Variants in PTPN20 observed in about 807,000 individuals in gnomAD.
The protein encoded by PTPN20 is tyrosine-protein phosphatase non-receptor type 20.
A neutral mutation model predicts 35.0 loss-of-function variants in PTPN20; 9 were observed. That is an observed-to-expected ratio of 0.26 (90% CI 0.15 to 0.45). PTPN20 has a LOEUF of 0.45. PTPN20 is among the 20% of genes least tolerant of loss of function. The probability of loss-of-function intolerance (pLI) is 1.00; values close to 1 mark genes in which losing one functional copy is unlikely to be tolerated. For missense variants in PTPN20, 111 were observed against 312.5 expected (o/e 0.36, Z 4.86); for synonymous variants, 32 against 100.2 (o/e 0.32, Z 4.06).
intron 9 of PTPN20, among the ~76,000 whole-genome samples, chr10:46,992,792 T>C (rs2058242907): frequency 6.6e-6 from 1 of 152,254 alleles, no homozygotes; most frequent in Non-Finnish European, 1.5e-5. Flanking sequence ...AAGGAGGCAC[T>C]GACTTTTTGA....
At position 47,000,756 on chromosome 10, in the gene PTPN20, G is replaced by T; in HGVS notation, c.*15G>T. On this transcript the variant is annotated 3_prime_UTR_variant, in exon 11 of 11. Transcript: ENST00000374339. ...CTTTGGATTAAGAAAGACTTCTGTT[G>T]CCTCTCACTTGAAATTACCAAGTGG... is the stretch of plus-strand genomic sequence containing the variant. 6 of 1,613,416 alleles carry T rather than the reference G, an allele frequency of 3.7e-6. No individual in the cohort carries two copies. The highest frequency in any genetic ancestry group is 2.2e-5 in the East Asian group (1 of 44,848).
At chr10:46,936,048 G>A (rs2041522775) in intron 2 of PTPN20, among the ~76,000 whole-genome samples, 8 of 152,144 alleles carry the variant, frequency 5.3e-5, no homozygotes, top group Non-Finnish European at 1.5e-5. Flanking sequence ...TTTCTCTGAT[G>A]ATTAGTGATA....
intron 9 of PTPN20, among the ~76,000 whole-genome samples, chr10:46,993,897 A>C (rs984825003): frequency 2.0e-5 from 3 of 152,154 alleles, no homozygotes; most frequent in Non-Finnish European, 4.4e-5. Context: ...TTATGCCTTG[A>C]AAAGTTTTCT....
In PTPN20 at chr10:46,999,844, T is replaced by C. The variant is rs1319266739; in HGVS notation, c.1135-68T>C. ...AATCTTGACATCTCTTTCACCCTTT[T>C]TGGCAATCTGTGAATTTGTGTTTTT... On this transcript the variant is annotated intron_variant, in intron 9 of 10. Coordinates refer to ENST00000374339, the MANE Select transcript of PTPN20 (RefSeq NM_001042357.5). 4 of 1,564,754 alleles carry C rather than the reference T, an allele frequency of 2.6e-6. No homozygotes were observed. In the Admixed American group the frequency reaches 6.8e-5, roughly 26 times the overall value.
chr10:46,922,797 C>A (rs1437253969), intron 1 of PTPN20, among the ~76,000 whole-genome samples: 1 of 135,430 alleles, frequency 7.4e-6, no homozygotes, highest in Non-Finnish European at 1.5e-5. Flanking sequence ...GACCTGTGAC[C>A]CACTTTTTCC....
intron 7 of PTPN20, among the ~76,000 whole-genome samples, chr10:46,970,977 C>T: frequency 1.4e-5 from 1 of 71,604 alleles, no homozygotes; most frequent in Non-Finnish European, 2.3e-5. Context: ...TGCTTTAATT[C>T]CCAATATTTC....
intron 1 of PTPN20, among the ~76,000 whole-genome samples, chr10:46,931,772 A>G (rs1275859647): frequency 1.4e-5 from 2 of 145,284 alleles, no homozygotes; most frequent in Admixed American, 1.3e-4. Flanking sequence ...TTATAGTAAT[A>G]CCATTTTATT....
At chr10:46,948,745 G>A (rs2134407797) in intron 5 of PTPN20, among the ~76,000 whole-genome samples, 1 of 152,032 alleles carries the variant, frequency 6.6e-6, no homozygotes, top group East Asian at 1.9e-4. Context: ...GTAGACTGGT[G>A]CTTGCGTGCC....
chr10:46,941,206 T>G (rs2133964065), intron 3 of PTPN20, among the ~76,000 whole-genome samples: 1 of 150,348 alleles, frequency 6.7e-6, no homozygotes, highest in East Asian at 2.0e-4. Flanking sequence ...TTGCATTTTT[T>G]TTTCTCTTAC....
chr10:46,953,397 T>TTCTTTC (rs2047421775), intron 5 of PTPN20, among the ~76,000 whole-genome samples: 2 of 142,776 alleles, frequency 1.4e-5, no homozygotes. Flanking sequence ...CTTTCTTTCT[T>TTCTTTC]TTTTTTTGAC....
In PTPN20 at chr10:46,925,466, G is replaced by A. The variant is rs1164126733; in HGVS notation, c.-123-6911G>A. Among the ~76,000 whole-genome samples the A allele has an allele frequency of 1.3e-5, 2 of 148,180 alleles. 1 individual carries two copies. The highest frequency in any genetic ancestry group is 5.0e-5 in the African/African-American group (2 of 39,800). On this transcript the variant is annotated intron_variant, in intron 1 of 10. Coordinates refer to ENST00000374339, the MANE Select transcript of PTPN20 (RefSeq NM_001042357.5). ...TGAGAAGGTGGGGAAGGTGAGCTAG[G>A]AGAGGGAAGAATTTCAGATGAGGAG...
intron 9 of PTPN20, among the ~76,000 whole-genome samples, chr10:46,994,322 C>CTTTTTTTTTT (rs36049729): frequency 1.1e-4 from 7 of 66,322 alleles, no homozygotes; most frequent in African/African-American, 1.9e-4. Context: ...CTCTGATGCT[C>CTTTTTTTTTT]TTTTTTTTTT....
At chr10:46,959,160 T>C (rs1275972757) in intron 5 of PTPN20, among the ~76,000 whole-genome samples, 20 of 129,074 alleles carry the variant, frequency 1.5e-4, no homozygotes, top group African/African-American at 5.8e-4. Flanking sequence ...TTCTGTCAAT[T>C]TTTGCTTTGT....
intron 4 of PTPN20, among the ~76,000 whole-genome samples, chr10:46,945,435 A>G (rs2044449512): frequency 6.6e-6 from 1 of 152,194 alleles, no homozygotes; most frequent in African/African-American, 2.4e-5. Flanking sequence ...ATTTTCTTAC[A>G]GAAGTAAAAG....
At chr10:46,988,063 A>G (rs1229638973) in intron 9 of PTPN20, among the ~76,000 whole-genome samples, 2 of 152,306 alleles carry the variant, frequency 1.3e-5, no homozygotes, top group Non-Finnish European at 2.9e-5. Context: ...CAAAATAAAC[A>G]TAATAATATA....
chr10:46,953,349 TTC>T (rs1279642699), intron 5 of PTPN20, among the ~76,000 whole-genome samples: 1 of 126,886 alleles, frequency 7.9e-6, no homozygotes, highest in Non-Finnish European at 1.6e-5. Flanking sequence ...CTTTCTTTCT[TTC>T]TTTCTTTCTT....
chr10:46,976,474 T>C (rs1206099068), intron 7 of PTPN20, among the ~76,000 whole-genome samples: 1 of 119,564 alleles, frequency 8.4e-6, no homozygotes, highest in Non-Finnish European at 1.8e-5. Context: ...TTAGTTCTTT[T>C]TTTTCTCATT....
At chr10:46,934,772 A>G (rs1589309681) in intron 2 of PTPN20, among the ~76,000 whole-genome samples, 1 of 105,620 alleles carries the variant, frequency 9.5e-6, no homozygotes, top group African/African-American at 4.3e-5. Context: ...AGAAGCAGAT[A>G]CCAGCACCAT....
intron 9 of PTPN20, among the ~76,000 whole-genome samples, chr10:46,994,208 T>C (rs1352679357): frequency 1.3e-5 from 2 of 150,778 alleles, no homozygotes; most frequent in African/African-American, 2.5e-5. Context: ...ATTACTTCTT[T>C]TCTCCTGCTA....
Sources: allele counts gnomAD v4.1 joint callset (sites outside exome capture counted in the v4.1 genomes callset), GRCh38; gene constraint gnomAD v4.1.1; transcripts MANE v1.5; gene names NCBI Gene and HGNC (gene_info 2026-07-23, HGNC 2026-07-21).